Variants in RFC3 observed in about 807,000 individuals in gnomAD.
RFC3 encodes A1 38 kDa subunit.
A neutral mutation model predicts 45.1 loss-of-function variants in RFC3; 41 were observed. That is an observed-to-expected ratio of 0.91 (90% CI 0.71 to 1.18). RFC3 has a LOEUF of 1.18. Ranked by LOEUF, RFC3 falls within the 50% of genes most tolerant of loss-of-function variation. RFC3 has a pLI of 0.00. For synonymous variants in RFC3, 149 were observed against 144.0 expected (o/e 1.03, Z -0.25); for missense variants, 423 against 428.1 (o/e 0.99, Z 0.10).
chr13:33,859,931 A>G (rs2082330370), intron 8 of RFC3, among the ~76,000 whole-genome samples: 1 of 152,178 alleles, frequency 6.6e-6, no homozygotes, highest in Non-Finnish European at 1.5e-5. Context: ...AGGGCCTTTC[A>G]GGAGGTAATT....
chr13:33,968,388 G>T (rs1162372015), downstream of RFC3, among the ~76,000 whole-genome samples: 1 of 152,148 alleles, frequency 6.6e-6, no homozygotes, highest in Non-Finnish European at 1.5e-5. Flanking sequence ...TCGGCCTCCT[G>T]CAGTGCTGGG....
At chr13:33,966,315 T>G (rs1006584061) in exon 9 of RFC3, 2 of 608,598 alleles carry the variant, frequency 3.3e-6, no homozygotes, top group African/African-American at 3.7e-5. Flanking sequence ...TAGGTCCACC[T>G]GCTAATCACA....
At chr13:33,856,751 G>A (rs911242456) in intron 8 of RFC3, among the ~76,000 whole-genome samples, 1 of 152,140 alleles carries the variant, frequency 6.6e-6, no homozygotes, top group African/African-American at 2.4e-5. Context: ...CAGGAGATTG[G>A]CTTTCTAAAT....
intron 4 of RFC3, 81 bp from the exon 5 acceptor site, chr13:33,829,755 G>A: frequency 9.3e-7 from 1 of 1,074,454 alleles, no homozygotes; most frequent in Non-Finnish European, 1.4e-6. Context: ...ATTTCATCCT[G>A]GATAATGAGA....
At chr13:33,931,474 G>A (rs757968998) in intron 8 of RFC3, among the ~76,000 whole-genome samples, 1 of 152,112 alleles carries the variant, frequency 6.6e-6, no homozygotes, top group Admixed American at 6.6e-5. Flanking sequence ...GGCTGAGTGT[G>A]AGACAAGATA....
intron 7 of RFC3, among the ~76,000 whole-genome samples, chr13:33,832,147 T>TA (rs2082110904): frequency 1.3e-5 from 2 of 152,164 alleles, no homozygotes; most frequent in South Asian, 4.1e-4. Context: ...TTCCTCCAAA[T>TA]AAAAAATGAC....
downstream of RFC3, chr13:33,966,564 G>T: frequency 6.1e-6 from 1 of 165,144 alleles, no homozygotes; most frequent in South Asian, 1.9e-4. Flanking sequence ...CTTTAGCTTT[G>T]GTCTGCTATT....
chr13:33,908,884 A>G (rs570244296), intron 8 of RFC3, among the ~76,000 whole-genome samples: 1 of 152,120 alleles, frequency 6.6e-6, no homozygotes, highest in Non-Finnish European at 1.5e-5. Flanking sequence ...TTGATGTCCA[A>G]CCTCAGGCAC....
chr13:33,951,876 A>T (rs1245813408), intron 8 of RFC3, among the ~76,000 whole-genome samples: 1 of 152,248 alleles, frequency 6.6e-6, no homozygotes, highest in East Asian at 1.9e-4. Flanking sequence ...AAATATTATT[A>T]TCATTATCTT....
intron 8 of RFC3, chr13:33,850,677 A>C (rs2082270943): frequency 6.6e-6 from 1 of 152,178 alleles, no homozygotes; most frequent in African/African-American, 2.4e-5. Flanking sequence ...ATATCTAAAC[A>C]TAAGTATTGT....
chr13:33,821,773 T>C (rs2082005821), intron 2 of RFC3, among the ~76,000 whole-genome samples: 1 of 152,234 alleles, frequency 6.6e-6, no homozygotes, highest in Non-Finnish European at 1.5e-5. Flanking sequence ...GTGTAGCACA[T>C]TCTTATGCTC....
chr13:33,831,208 A>G, intron 6 of RFC3, 48 bp from the exon 7 acceptor site: 1 of 1,193,092 alleles, frequency 8.4e-7, no homozygotes, highest in Non-Finnish European at 1.3e-6. Context: ...GTTTTAGGAC[A>G]TAAGCACACT....
Position 33,836,537 on chromosome 13 carries a change from T to G in RFC3, c.*242T>G. The G allele has an allele frequency of 8.3e-7, 1 of 1,203,472 alleles. No homozygotes were observed. Among genetic ancestry groups the G allele is most frequent in the Non-Finnish European group, 1.0e-6 (1 of 963,712 alleles). 74.5% of individuals were successfully genotyped at this position (1,203,472 alleles called of 1,614,324 possible). On this transcript the variant is annotated 3_prime_UTR_variant, in exon 9 of 9. Coordinates refer to ENST00000380071, the MANE Select transcript of RFC3 (RefSeq NM_002915.4). ...GTCTAAGAAAATGATCTTAATTTAC[T>G]TTAAGCATTGGTTATTCAAGTATTC...
At chr13:33,917,819 T>G (rs1407832388) in intron 8 of RFC3, among the ~76,000 whole-genome samples, 1 of 152,034 alleles carries the variant, frequency 6.6e-6, no homozygotes, top group Non-Finnish European at 1.5e-5. Context: ...CACTAGCAGC[T>G]TTCAGAGCAC....
Position 33,821,136 on chromosome 13 carries a change from A to G in RFC3, c.92A>G (p.Gln31Arg), listed in dbSNP as rs1566375417. Residue 31 changes from glutamine (Q) to arginine (R), a missense_variant, in exon 2 of 9, where the codon CAG (glutamine) becomes CGG (arginine). Gln to Arg is a conservative substitution (Grantham distance 43). Coordinates refer to ENST00000380071, the MANE Select transcript of RFC3 (RefSeq NM_002915.4). ...TGCCTTGTTCTTTTTTTTCAGGTGC[A>G]GTGTGGTGACTTTCCTCATCTGTTA... ...EQAAQLRNLV[Q>R]CGDFPHLLVY... The G allele has an allele frequency of 6.2e-6, 10 of 1,613,354 alleles. No individual in the cohort carries two copies. Among genetic ancestry groups the G allele is most frequent in the East Asian group, 2.2e-5 (1 of 44,862 alleles).
chr13:33,934,595 T>C (rs1180972937), intron 8 of RFC3, among the ~76,000 whole-genome samples: 1 of 152,108 alleles, frequency 6.6e-6, no homozygotes, highest in East Asian at 1.9e-4. Context: ...TGTCCCAGAT[T>C]CCCAGTTGCT....
At chr13:33,897,866 A>G (rs2082611839) in intron 8 of RFC3, among the ~76,000 whole-genome samples, 1 of 152,090 alleles carries the variant, frequency 6.6e-6, no homozygotes, top group Non-Finnish European at 1.5e-5. Flanking sequence ...AAGAAAATAC[A>G]ACAATTATAA....
At chr13:33,882,547 C>G (rs1242964521) in intron 8 of RFC3, among the ~76,000 whole-genome samples, 1 of 152,208 alleles carries the variant, frequency 6.6e-6, no homozygotes, top group Admixed American at 6.5e-5. Context: ...CTTCCTCTCT[C>G]TGTCTGTCTC....
At chr13:33,888,061 A>G (rs955070966) in intron 8 of RFC3, among the ~76,000 whole-genome samples, 2 of 151,376 alleles carry the variant, frequency 1.3e-5, no homozygotes, top group Non-Finnish European at 2.9e-5. Context: ...GTCAGGTAGC[A>G]TGATGCCTCC....
Sources: gnomAD v4.1 joint callset for allele counts (sites outside exome capture counted in the v4.1 genomes callset) on GRCh38, gnomAD v4.1.1 for gene constraint, MANE v1.5 for transcripts, NCBI Gene and HGNC (gene_info 2026-07-23, HGNC 2026-07-21) for gene names.